METAP1D: variants seen among roughly 807,000 people sequenced by gnomAD.
The protein encoded by METAP1D is methionyl aminopeptidase type 1D, mitochondrial.
METAP1D carries 31 observed loss-of-function variants against 40.5 expected under a neutral mutation model. That is an observed-to-expected ratio of 0.77 (90% CI 0.58 to 1.03). The LOEUF is 1.03. Among genes scored for constraint, METAP1D ranks in the 50% least tolerant of loss-of-function variants. The pLI is 0.00. For missense variants in METAP1D, 411 were observed against 420.7 expected (o/e 0.98, Z 0.20); for synonymous variants, 151 against 146.4 (o/e 1.03, Z -0.22).
At chr2:172,000,127 C>A in intron 1 of METAP1D, 118 bp downstream of exon 1, 2 of 911,774 alleles carry the variant, frequency 2.2e-6, no homozygotes, top group South Asian at 4.8e-5. Context: ...ACTGTACTTT[C>A]AGTGTTTACG....
At chr2:172,000,106 C>T (rs777589696) in intron 1 of METAP1D, 97 bp downstream of exon 1, 4 of 1,044,458 alleles carry the variant, frequency 3.8e-6, no homozygotes, top group African/African-American at 3.3e-5. Flanking sequence ...TCAGACTTCT[C>T]GGCGCACACG....
At chr2:172,048,736 C>A (rs1405456919) in intron 1 of METAP1D, among the ~76,000 whole-genome samples, 1 of 152,148 alleles carries the variant, frequency 6.6e-6, no homozygotes, top group Non-Finnish European at 1.5e-5. Context: ...TGTCCCATCC[C>A]CTCAGACAAT....
At chr2:172,079,364 A>C (rs1690640635) in intron 8 of METAP1D, 102 bp downstream of exon 8, 1 of 1,045,456 alleles carries the variant, frequency 9.6e-7, no homozygotes, top group Non-Finnish European at 1.5e-6. Flanking sequence ...AAAGCCAATC[A>C]GTGTAATGAA....
In METAP1D at chr2:172,011,373, A is replaced by C. The variant is rs539691684; in HGVS notation, c.40+11364A>C. ...GATCTCGGCTCACTGCAAGCTCCGCATCCCAGGTTCATGCCATTCTCCTGC... is the reference window on the plus strand; with the variant it reads ...GATCTCGGCTCACTGCAAGCTCCGCCTCCCAGGTTCATGCCATTCTCCTGC... On this transcript the variant is annotated intron_variant, in intron 1 of 9. Coordinates refer to ENST00000315796, the MANE Select transcript of METAP1D (RefSeq NM_199227.3). Among the ~76,000 whole-genome samples the C allele has an allele frequency of 1.4e-3, 213 of 148,476 alleles. 1 individual carries two copies. The highest frequency in any genetic ancestry group is 5.2e-3 in the African/African-American group (210 of 40,174).
At chr2:172,045,258 C>CA (rs1402723869) in intron 1 of METAP1D, among the ~76,000 whole-genome samples, 1 of 133,456 alleles carries the variant, frequency 7.5e-6, no homozygotes, top group South Asian at 2.4e-4. Context: ...TTATATAAAG[C>CA]AAAAAAATCA....
intron 1 of METAP1D, among the ~76,000 whole-genome samples, chr2:172,010,146 T>G (rs1012109430): frequency 6.6e-6 from 1 of 150,550 alleles, no homozygotes; most frequent in Non-Finnish European, 1.5e-5. Flanking sequence ...TCCCTTCTTT[T>G]TTTTTTTTTT....
intron 5 of METAP1D, among the ~76,000 whole-genome samples, chr2:172,069,007 C>T (rs1025437492): frequency 6.6e-6 from 1 of 152,064 alleles, no homozygotes; most frequent in Non-Finnish European, 1.5e-5. Context: ...TAAGCTTGAA[C>T]TCCTGGGCTC....
At chr2:172,028,503 C>A (rs1391686077) in intron 1 of METAP1D, among the ~76,000 whole-genome samples, 1 of 150,776 alleles carries the variant, frequency 6.6e-6, no homozygotes, top group African/African-American at 2.4e-5. Context: ...CTCACCTAGA[C>A]TTTTTTTCCT....
At chr2:172,013,806 CATT>C (rs1204383171) in intron 1 of METAP1D, among the ~76,000 whole-genome samples, 1 of 147,644 alleles carries the variant, frequency 6.8e-6, no homozygotes, top group Non-Finnish European at 1.5e-5. Flanking sequence ...AACAAAGAAA[CATT>C]ATACTTTTTT....
In METAP1D at chr2:171,999,994, C is replaced by T. The variant is rs1688419197; in HGVS notation, c.25C>T (p.Leu9=). The part of the protein sequence containing the change: MAAPSGVH[L]LVRRGSHRIF... ...CATGGCGGCGCCCAGTGGCGTCCAC[C>T]TGCTCGTCCGCAGAGGTAAGCGCGT... Residue 9 remains leucine, a synonymous_variant, in exon 1 of 10, where the codon CTG becomes TTG. Coordinates refer to ENST00000315796, the MANE Select transcript of METAP1D (RefSeq NM_199227.3). 3 of 1,344,324 alleles carry T rather than the reference C, an allele frequency of 2.2e-6. No individual in the cohort carries two copies. Among genetic ancestry groups the T allele is most frequent in the Admixed American group, 3.9e-5 (1 of 25,828 alleles). 83.3% of individuals were successfully genotyped at this position (1,344,324 alleles called of 1,614,324 possible). A position where few individuals can be genotyped will look rare whatever the true frequency, so the allele number is the denominator to read the frequency against.
In METAP1D at chr2:172,059,992, A is replaced by G. The variant is rs563387964; in HGVS notation, c.41-1506A>G. ...CTTGGACCTGGGAGGCGGAGGTTGCAGTGAGCCAAGATCGCGCCACTGTAC... is the reference window on the plus strand; with the variant it reads ...CTTGGACCTGGGAGGCGGAGGTTGCGGTGAGCCAAGATCGCGCCACTGTAC... On this transcript the variant is annotated intron_variant, in intron 1 of 9. Coordinates refer to ENST00000315796, the MANE Select transcript of METAP1D (RefSeq NM_199227.3). 1.4e-3 allele frequency among the ~76,000 whole-genome samples: 207 copies of G among 152,330 alleles called. 1 individual carries two copies. Among genetic ancestry groups the G allele is most frequent in the Non-Finnish European group, 2.5e-3 (169 of 68,014 alleles).
chr2:172,078,938 C>G (rs560852460), intron 7 of METAP1D, among the ~76,000 whole-genome samples: 2 of 152,152 alleles, frequency 1.3e-5, no homozygotes, highest in African/African-American at 4.8e-5. Flanking sequence ...GGAAGCCTGA[C>G]GTGTCTGAAA....
At chr2:172,079,100 AAAG>A in intron 7 of METAP1D, 112 bp from the exon 8 acceptor site, 1 of 1,037,356 alleles carries the variant, frequency 9.6e-7, no homozygotes, top group South Asian at 1.4e-5. Context: ...TCCTTCTCTA[AAAG>A]AAGAGAAATA....
intron 1 of METAP1D, among the ~76,000 whole-genome samples, chr2:172,002,726 CG>C (rs1257263988): frequency 6.6e-6 from 1 of 152,132 alleles, no homozygotes; most frequent in Non-Finnish European, 1.5e-5. Context: ...GGTAAATTCA[CG>C]AAGACTCCTC....
intron 1 of METAP1D, among the ~76,000 whole-genome samples, chr2:172,037,505 A>G (rs1295499707): frequency 6.6e-6 from 1 of 152,190 alleles, no homozygotes; most frequent in Non-Finnish European, 1.5e-5. Flanking sequence ...CAATTTATCA[A>G]TTGCTACATG....
At position 172,021,455 on chromosome 2, in the gene METAP1D, G is replaced by A. The variant is rs1689006982; in HGVS notation, c.40+21446G>A. 2.0e-5 allele frequency among the ~76,000 whole-genome samples: 3 copies of A among 152,202 alleles called. No individual in the cohort carries two copies. The South Asian group carries it at 6.2e-4, about 32-fold the overall frequency. ...GCAGAGTAAGCTAAACGAGTGATGA[G>A]CTTTGTTTTGCACAGCAGTTGAAAC... On this transcript the variant is annotated intron_variant, in intron 1 of 9. Transcript: ENST00000315796.
In METAP1D at chr2:172,030,443, T is replaced by C. The variant is rs577929649; in HGVS notation, c.40+30434T>C. Among the ~76,000 whole-genome samples, 21 of 152,262 alleles carry C rather than the reference T, an allele frequency of 1.4e-4. No individual in the cohort carries two copies. The South Asian group carries it at 3.5e-3, about 26-fold the overall frequency. ...TTGCAGAGGTGGAAATGAACTAAAG[T>C]AGGCATGAAGTAAGGGTCGAGGTCC... On this transcript the variant is annotated intron_variant, in intron 1 of 9. Coordinates refer to ENST00000315796, the MANE Select transcript of METAP1D (RefSeq NM_199227.3).
intron 1 of METAP1D, among the ~76,000 whole-genome samples, chr2:172,017,811 A>G (rs1660957184): frequency 1.3e-5 from 2 of 152,116 alleles, no homozygotes; most frequent in South Asian, 4.1e-4. Flanking sequence ...TGAAAATTAG[A>G]TAAGGGTTAG....
intron 1 of METAP1D, among the ~76,000 whole-genome samples, chr2:172,036,122 C>T (rs909650925): frequency 6.6e-6 from 1 of 151,592 alleles, no homozygotes; most frequent in Non-Finnish European, 1.5e-5. Context: ...TCAAGACCAT[C>T]CTGGCTAACA....
Sources: allele counts gnomAD v4.1 joint callset (sites outside exome capture counted in the v4.1 genomes callset), GRCh38; gene constraint gnomAD v4.1.1; transcripts MANE v1.5; gene names NCBI Gene and HGNC (gene_info 2026-07-23, HGNC 2026-07-21).